The following PLEKHG5 variants were observed in gnomAD, a reference collection of about 807,000 sequenced individuals.
PLEKHG5 encodes pleckstrin homology and RhoGEF domain containing G5, also known as pleckstrin homology domain-containing family G member 5.
Under a neutral mutation model 103.8 loss-of-function variants are expected in PLEKHG5, and 52 were observed. That is an observed-to-expected ratio of 0.50 (90% CI 0.40 to 0.63). PLEKHG5 has a LOEUF of 0.63. Ranked by LOEUF, PLEKHG5 falls within the 30% of genes least tolerant of loss-of-function variation. The pLI, the probability that PLEKHG5 is intolerant of heterozygous loss-of-function variation, is 0.00. For synonymous variants in PLEKHG5, 592 were observed against 575.5 expected, an observed-to-expected ratio of 1.03 and a Z score of -0.41; for missense variants, 1,205 against 1,347.6, an observed-to-expected ratio of 0.89 and a Z score of 1.66.
intron 1 of PLEKHG5, among the ~76,000 whole-genome samples, chr1:6,488,762 A>G (rs112792818): frequency 0.082 from 12,442 of 152,090 alleles, 682 homozygotes; most frequent in East Asian, 0.27. Context: ...CTGGCCCCCA[A>G]CTCCCTGGGG....
chr1:6,509,611 C>T (rs1032494881), intron 1 of PLEKHG5, among the ~76,000 whole-genome samples: 10 of 152,326 alleles, frequency 6.6e-5, no homozygotes, highest in East Asian at 3.9e-4. Context: ...GGGGGCTCCA[C>T]GGGCCCCTGA....
Position 6,501,734 on chromosome 1 carries a change from G to A in PLEKHG5, c.-164-5165C>T, listed in dbSNP as rs143047694. ...AGCCTCCAAGCCTGTGCTCCTAACC[G>A]CCAGGCTACAGTGCTCCCATGGGGC... On this transcript the variant is annotated intron_variant, in intron 1 of 21. Transcript: ENST00000377740. This position sits in a 1 kb window ranked among gnomAD's most constrained non-coding sequence, Gnocchi z 4.3. Among the ~76,000 whole-genome samples the A allele has an allele frequency of 9.3e-3, 1,422 of 152,278 alleles. 15 individuals carry two copies. The highest frequency in any genetic ancestry group is 0.013 in the Non-Finnish European group (908 of 68,022).
intron 2 of PLEKHG5, 35 bp from the exon 3 acceptor site, chr1:6,476,071 C>T (rs374742834): frequency 1.7e-5 from 27 of 1,569,270 alleles, no homozygotes; most frequent in African/African-American, 4.0e-5. Flanking sequence ...GTGCCTCCCC[C>T]GCCCCTCCTT....
At position 6,505,393 on chromosome 1, in the gene PLEKHG5, GCTCC is replaced by G. The variant is rs760606081; in HGVS notation, c.-164-8828_-164-8825del. On this transcript the variant is annotated intron_variant, in intron 1 of 21. Coordinates refer to the PLEKHG5 transcript ENST00000377740. This position sits in a 1 kb window ranked among gnomAD's most constrained non-coding sequence, Gnocchi z 4.2. Reference sequence around the variant, plus strand: ...CCTGCCTCTGCCACCGCTGTTTGAAGCTCCCTGTGTGTCATCCCCATTAGTGCTC... The same window carrying G: ...CCTGCCTCTGCCACCGCTGTTTGAAGCTGTGTGTCATCCCCATTAGTGCTC... 6.6e-6 allele frequency among the ~76,000 whole-genome samples: 1 copy of G among 152,130 alleles called. No individual in the cohort carries two copies. Among genetic ancestry groups the G allele is most frequent in the Non-Finnish European group, 1.5e-5 (1 of 68,012 alleles).
At chr1:6,476,162 A>C (rs981853441) in intron 2 of PLEKHG5, 126 bp from the exon 3 acceptor site, 4 of 780,734 alleles carry the variant, frequency 5.1e-6, no homozygotes, top group Non-Finnish European at 8.8e-6. Context: ...AGGGCCCTTC[A>C]GTTCTGTGAG....
intron 1 of PLEKHG5, among the ~76,000 whole-genome samples, chr1:6,489,254 G>A (rs1284370578): frequency 6.6e-6 from 1 of 152,182 alleles, no homozygotes; most frequent in Non-Finnish European, 1.5e-5. Flanking sequence ...CCAGGGCGGG[G>A]TGGCTTTGCC....
At chr1:6,503,297 G>A (rs572241844) in intron 1 of PLEKHG5, among the ~76,000 whole-genome samples, 5 of 152,222 alleles carry the variant, frequency 3.3e-5, no homozygotes, top group Admixed American at 2.6e-4. Flanking sequence ...TGCACCTGCA[G>A]TCCCAGCTGC....
At chr1:6,476,625 G>A (rs1644771685) in intron 2 of PLEKHG5, among the ~76,000 whole-genome samples, 2 of 152,214 alleles carry the variant, frequency 1.3e-5, no homozygotes, top group African/African-American at 4.8e-5. Context: ...TAAGGATAAG[G>A]AAGCCTTGCC....
Position 6,470,981 on chromosome 1 carries a change from C to A in PLEKHG5, c.1392+9G>T. On this transcript the variant is annotated intron_variant, in intron 13 of 20. Coordinates refer to ENST00000377728, the MANE Select transcript of PLEKHG5 (RefSeq NM_020631.6). ...CCTGCGCCCCCGCCCACGGCACGCG[C>A]GCCCTCACCGTGATGTAGGCCCGGA... 6.3e-7 allele frequency: 1 copy of A among 1,589,798 alleles called. No individual in the cohort carries two copies. Among genetic ancestry groups the A allele is most frequent in the Non-Finnish European group, 8.6e-7 (1 of 1,168,624 alleles).
At position 6,474,553 on chromosome 1, in the gene PLEKHG5, T is replaced by C. The variant is rs1456894971; in HGVS notation, c.337A>G (p.Ile113Val). The change falls in exon 6 of 21, where the codon ATT (isoleucine) becomes GTT (valine). Residue 113 changes from isoleucine to valine, a missense_variant. Transcript: ENST00000377728. ...TAGATGTCCACTTTGCCCAGCGCAATGCCCTTCCTTTCAAATACAGGCAGC... is the reference window on the plus strand; with the variant it reads ...TAGATGTCCACTTTGCCCAGCGCAACGCCCTTCCTTTCAAATACAGGCAGC... ...VLLPVFERKG[I>V]ALGKVDIYLD... 1.2e-6 allele frequency: 2 copies of C among 1,613,698 alleles called. No homozygotes were observed. The highest frequency in any genetic ancestry group is 8.5e-7 in the Non-Finnish European group (1 of 1,179,976).
upstream of PLEKHG5, among the ~76,000 whole-genome samples, chr1:6,498,061 C>T (rs1186068094): frequency 6.6e-6 from 1 of 151,968 alleles, no homozygotes; most frequent in East Asian, 1.9e-4. Flanking sequence ...TTCGTCTGCC[C>T]GGTCCTGTAG....
chr1:6,504,864 C>T lies in PLEKHG5; in HGVS notation c.-164-8295G>A, dbSNP rs574749260. Among the ~76,000 whole-genome samples, 16 of 152,310 alleles carry T rather than the reference C, an allele frequency of 1.1e-4. No homozygotes were observed. The South Asian group carries it at 2.1e-3, about 20-fold the overall frequency. On this transcript the variant is annotated intron_variant, in intron 1 of 21. Transcript: ENST00000377740. The stretch of plus-strand genomic sequence containing the variant: ...GATTACAGGCATGAGCCACCGTGCC[C>T]AGCCTACACCTCCCTTTTCAAAACC...
intron 4 of PLEKHG5, 85 bp from the exon 5 acceptor site, chr1:6,475,223 CCTTCCCAACCCTCCTCCCCACCCTCCTT>C: frequency 1.4e-6 from 1 of 715,102 alleles, no homozygotes; most frequent in Non-Finnish European, 2.4e-6. Context: ...TTCCCACCCT[CCTTCCCAACCCTCCTCCCCACCCTCCTT>C]CCCACCCTCC....
chr1:6,501,691 C>T (rs1359798311), upstream of PLEKHG5, among the ~76,000 whole-genome samples: 10 of 152,122 alleles, frequency 6.6e-5, no homozygotes, highest in African/African-American at 2.2e-4. This position sits in a 1 kb window ranked among gnomAD's most constrained non-coding sequence, Gnocchi z 4.3. Context: ...ATGAGAGTAA[C>T]GAGGCTGTGA....
At chr1:6,497,263 C>G, upstream of PLEKHG5, 1 of 897,108 alleles carries the variant, frequency 1.1e-6, no homozygotes. The surrounding 1 kb of genome is among the most constrained non-coding windows in gnomAD (Gnocchi z 6.1). Context: ...AGGTTAGGAG[C>G]CGGCCCGGCC....
At chr1:6,501,348 C>A (rs1264759122), upstream of PLEKHG5, among the ~76,000 whole-genome samples, 2 of 152,232 alleles carry the variant, frequency 1.3e-5, no homozygotes, top group Non-Finnish European at 2.9e-5. This position sits in a 1 kb window ranked among gnomAD's most constrained non-coding sequence, Gnocchi z 4.3. Context: ...CCATCCTGCC[C>A]ACTCTTCAAG....
intron 1 of PLEKHG5, among the ~76,000 whole-genome samples, chr1:6,482,769 C>T (rs1259285720): frequency 1.3e-5 from 2 of 152,168 alleles, no homozygotes; most frequent in Non-Finnish European, 2.9e-5. Flanking sequence ...AGAGCAGTGG[C>T]ATGATCTTGG....
At chr1:6,485,534 C>T in intron 1 of PLEKHG5, 1 of 1,199,014 alleles carries the variant, frequency 8.3e-7, no homozygotes, top group South Asian at 4.0e-5. Context: ...CCGCCCCCGC[C>T]GAGCGCGGGG....
intron 1 of PLEKHG5, among the ~76,000 whole-genome samples, chr1:6,504,097 G>A (rs1638230179): frequency 6.6e-6 from 1 of 152,204 alleles, no homozygotes; most frequent in African/African-American, 2.4e-5. Flanking sequence ...GTGGCTAAAC[G>A]ACCTGGGTCA....
Sources: allele counts gnomAD v4.1 joint callset (sites outside exome capture counted in the v4.1 genomes callset), GRCh38; gene constraint gnomAD v4.1.1; non-coding constraint Gnocchi (gnomAD v3.1); transcripts MANE v1.5; gene names NCBI Gene and HGNC (gene_info 2026-07-23, HGNC 2026-07-21).